CACNA1C: variants seen among roughly 807,000 people sequenced by gnomAD.
The protein encoded by CACNA1C is voltage-dependent L-type calcium channel subunit alpha-1C.
A neutral mutation model predicts 229.0 loss-of-function variants in CACNA1C; 30 were observed. The observed-to-expected ratio is 0.13, with a 90% CI of 0.10 to 0.18. CACNA1C has a LOEUF of 0.18. Ranked by LOEUF, CACNA1C falls within the 10% of genes least tolerant of loss-of-function variation. The pLI, the probability that CACNA1C is intolerant of heterozygous loss-of-function variation, is 1.00. For missense variants in CACNA1C, 1,658 were observed against 2,845.0 expected, an observed-to-expected ratio of 0.58 and a Z score of 9.49; for synonymous variants, 1,114 against 1,132.5, an observed-to-expected ratio of 0.98 and a Z score of 0.33.
At chr12:2,470,392 T>C (rs929939077) in intron 5 of CACNA1C, among the ~76,000 whole-genome samples, 4 of 152,216 alleles carry the variant, frequency 2.6e-5, no homozygotes, top group Non-Finnish European at 5.9e-5. Context: ...TGACCCAGGC[T>C]TTCTAAATGT....
chr12:2,043,902 G>T (rs551419313), intron 1 of CACNA1C, among the ~76,000 whole-genome samples: 1 of 151,400 alleles, frequency 6.6e-6, no homozygotes, highest in Non-Finnish European at 1.5e-5. Context: ...TGATCCACCC[G>T]CCTCGGCCTC....
At chr12:2,688,856 G>A (rs1414701960) in intron 46 of CACNA1C, 77 bp downstream of exon 46, 7 of 1,212,002 alleles carry the variant, frequency 5.8e-6, no homozygotes, top group Admixed American at 2.9e-5. Context: ...TGAGAAGGGA[G>A]CACCTGGCTC....
intron 3 of CACNA1C, among the ~76,000 whole-genome samples, chr12:2,140,354 G>GT (rs2094030152): frequency 6.6e-6 from 1 of 151,484 alleles, no homozygotes. Flanking sequence ...TTTGGTGTCT[G>GT]TTCTTAACAC....
At chr12:2,556,023 A>G (rs1211014456) in intron 10 of CACNA1C, among the ~76,000 whole-genome samples, 1 of 151,898 alleles carries the variant, frequency 6.6e-6, no homozygotes, top group Non-Finnish European at 1.5e-5. Flanking sequence ...CCATCTGAAC[A>G]TTGTCACCAC....
At position 2,589,388 on chromosome 12, in the gene CACNA1C, C is replaced by G. The variant is rs78598192; in HGVS notation, c.2530+3484C>G. 8.7e-3 allele frequency among the ~76,000 whole-genome samples: 1,318 copies of G among 152,314 alleles called. 10 individuals carry two copies. The highest frequency in any genetic ancestry group is 0.013 in the Non-Finnish European group (871 of 68,036). ...CTGAGGACACAGCATTTGACTGGAA[C>G]CTGAAGGATTCAAAAGAACTAGACA... On this transcript the variant is annotated intron_variant, in intron 18 of 46. Coordinates refer to ENST00000399655, the MANE Select transcript of CACNA1C (RefSeq NM_000719.7).
At chr12:2,103,694 G>A (rs2077214015) in intron 1 of CACNA1C, among the ~76,000 whole-genome samples, 1 of 152,172 alleles carries the variant, frequency 6.6e-6, no homozygotes, top group Admixed American at 6.5e-5. Flanking sequence ...TTCTTCTAGG[G>A]TTTTTACGGT....
At chr12:2,201,555 GA>G (rs1489649879) in intron 3 of CACNA1C, among the ~76,000 whole-genome samples, 1 of 152,174 alleles carries the variant, frequency 6.6e-6, no homozygotes, top group African/African-American at 2.4e-5. Flanking sequence ...GCCAATCTGG[GA>G]AATGTCAAAG....
intron 8 of CACNA1C, among the ~76,000 whole-genome samples, chr12:2,511,573 C>T (rs967810384): frequency 6.8e-6 from 1 of 146,360 alleles, no homozygotes; most frequent in Non-Finnish European, 1.5e-5. Context: ...TATGCATGTA[C>T]ACACACACAC....
chr12:2,437,600 C>T (rs16927947), intron 3 of CACNA1C, among the ~76,000 whole-genome samples: 10 of 152,088 alleles, frequency 6.6e-5, no homozygotes, highest in South Asian at 2.1e-4. Context: ...GTCCAGGCTC[C>T]GACTGTTGCT....
intron 3 of CACNA1C, among the ~76,000 whole-genome samples, chr12:2,140,348 G>C (rs2094029277): frequency 6.6e-6 from 1 of 151,380 alleles, no homozygotes; most frequent in Admixed American, 6.6e-5. Flanking sequence ...TTTTGGTTTG[G>C]TGTCTGTTCT....
At chr12:2,548,389 C>A (rs1042928658) in intron 9 of CACNA1C, among the ~76,000 whole-genome samples, 1 of 152,090 alleles carries the variant, frequency 6.6e-6, no homozygotes, top group Non-Finnish European at 1.5e-5. Flanking sequence ...CTGGGGCGCT[C>A]AAGATGAACA....
chr12:1,997,984 T>G, intron 1 of CACNA1C: 1 of 1,607,488 alleles, frequency 6.2e-7, no homozygotes, highest in Non-Finnish European at 8.5e-7. Context: ...TCCTAAACAA[T>G]AAAAACAAAA....
chr12:2,682,115 C>T (rs2097178236), intron 42 of CACNA1C: 2 of 973,648 alleles, frequency 2.1e-6, no homozygotes, highest in Admixed American at 3.9e-5. Context: ...AGGGCACCAT[C>T]AAAATAAGAG....
chr12:2,543,902 A>G (rs1378614493), intron 9 of CACNA1C, among the ~76,000 whole-genome samples: 8 of 152,188 alleles, frequency 5.3e-5, no homozygotes, highest in Non-Finnish European at 1.0e-4. Flanking sequence ...GAAGGCGTCA[A>G]TGTTCTGGAC....
At chr12:2,396,936 C>T (rs754420637) in intron 3 of CACNA1C, among the ~76,000 whole-genome samples, 17 of 152,240 alleles carry the variant, frequency 1.1e-4, no homozygotes, top group Non-Finnish European at 2.4e-4. Context: ...CTTTCTTGGT[C>T]TGGATACTTC....
intron 11 of CACNA1C, among the ~76,000 whole-genome samples, chr12:2,565,475 G>A (rs1211146280): frequency 2.0e-4 from 23 of 117,724 alleles, no homozygotes; most frequent in African/African-American, 2.2e-4. Flanking sequence ...CTCCGTCTCA[G>A]AAAAAAAAAA....
In CACNA1C at chr12:2,339,519, A is replaced by G. The variant is rs541931905; in HGVS notation, c.478-109457A>G. On this transcript the variant is annotated intron_variant, in intron 3 of 46. Transcript: ENST00000399655. ...TTTATAAACTTTAATTTTTAACTTGATGACTCTTATAATAACATGTAGCTT... is the reference window on the plus strand; with the variant it reads ...TTTATAAACTTTAATTTTTAACTTGGTGACTCTTATAATAACATGTAGCTT... 3.5e-4 allele frequency among the ~76,000 whole-genome samples: 53 copies of G among 152,370 alleles called. 1 individual carries two copies. Among genetic ancestry groups the G allele is most frequent in the African/African-American group, 1.1e-3 (46 of 41,584 alleles).
intron 13 of CACNA1C, among the ~76,000 whole-genome samples, chr12:2,572,305 C>CCT (rs2055002534): frequency 6.7e-6 from 1 of 149,092 alleles, no homozygotes; most frequent in Admixed American, 6.7e-5. Context: ...TATTCCTCCT[C>CCT]CTCCTCCTCC....
In CACNA1C at chr12:2,493,531, C is replaced by T. The variant is rs1282762337; in HGVS notation, c.1113+145C>T. 1 of 691,780 alleles carries T rather than the reference C, an allele frequency of 1.4e-6. No homozygotes were observed. Among genetic ancestry groups the T allele is most frequent in the Non-Finnish European group, 2.5e-6 (1 of 397,884 alleles). 42.9% of individuals were successfully genotyped at this position (691,780 alleles called of 1,614,324 possible). On this transcript the variant is annotated intron_variant, in intron 7 of 46. Coordinates refer to ENST00000399655, the MANE Select transcript of CACNA1C (RefSeq NM_000719.7). This position sits in a 1 kb window ranked among gnomAD's most constrained non-coding sequence, Gnocchi z 4.6. ...GGTTGATGAAGAGCGTCTTTGATTT[C>T]TTCCAGGTCTTGCCTGAGAAACAAG... is the stretch of plus-strand genomic sequence containing the variant.
Sources: gnomAD v4.1 joint callset for allele counts (sites outside exome capture counted in the v4.1 genomes callset) on GRCh38, gnomAD v4.1.1 for gene constraint, Gnocchi (gnomAD v3.1) non-coding constraint, MANE v1.5 for transcripts, NCBI Gene and HGNC (gene_info 2026-07-23, HGNC 2026-07-21) for gene names.